The following PDE1A variants were observed in gnomAD, a reference collection of about 807,000 sequenced individuals.
PDE1A encodes phosphodiesterase 1A, also known as dual specificity calcium/calmodulin-dependent 3',5'-cyclic nucleotide phosphodiesterase 1A.
PDE1A carries 35 observed loss-of-function variants against 61.7 expected under a neutral mutation model. The ratio of observed to expected loss-of-function variants is 0.57; its 90% CI spans 0.43 to 0.75. PDE1A has a LOEUF of 0.75. Ranked by LOEUF, PDE1A falls within the 30% of genes least tolerant of loss-of-function variation. The pLI, the probability that PDE1A is intolerant of heterozygous loss-of-function variation, is 0.00. For synonymous variants in PDE1A, 232 were observed against 213.2 expected, an observed-to-expected ratio of 1.09 and a Z score of -0.77; for missense variants, 597 against 630.6, an observed-to-expected ratio of 0.95 and a Z score of 0.57.
chr2:182,426,657 T>C, exon 1 of PDE1A: 5 of 1,612,398 alleles, frequency 3.1e-6, no homozygotes, highest in Non-Finnish European at 4.2e-6. Flanking sequence ...AACTTCTTCC[T>C]GGAAACCACT....
the PDE1A span, among the ~76,000 whole-genome samples, chr2:182,543,921 G>A: frequency 6.6e-6 from 1 of 152,080 alleles, no homozygotes. Context: ...TGATACACAT[G>A]GGTCCTGCCA....
chr2:182,335,604 T>C (rs1293799927), intron 1 of PDE1A, among the ~76,000 whole-genome samples: 1 of 152,180 alleles, frequency 6.6e-6, no homozygotes. Flanking sequence ...TTACACCTTA[T>C]ACAAAAGTTA....
chr2:182,230,814 G>A (rs1428417349), intron 5 of PDE1A, among the ~76,000 whole-genome samples: 1 of 152,124 alleles, frequency 6.6e-6, no homozygotes, highest in African/African-American at 2.4e-5. Context: ...GTGGCCTCAT[G>A]ATCTCTAGGT....
At chr2:182,299,958 G>T (rs555245699) in intron 1 of PDE1A, among the ~76,000 whole-genome samples, 1 of 152,290 alleles carries the variant, frequency 6.6e-6, no homozygotes, top group African/African-American at 2.4e-5. Flanking sequence ...CAACCACACT[G>T]TGACATATCT....
At chr2:182,446,939 AAT>A (rs142029307) in intron 2 of PDE1A, among the ~76,000 whole-genome samples, 26,831 of 148,954 alleles carry the variant, frequency 0.18, 2,738 homozygotes, top group Middle Eastern at 0.36. Flanking sequence ...TAAGTGAGAT[AAT>A]ATATATATAT....
At chr2:182,152,708 A>C (rs1287570982) in intron 13 of PDE1A, among the ~76,000 whole-genome samples, 1 of 152,172 alleles carries the variant, frequency 6.6e-6, no homozygotes, top group African/African-American at 2.4e-5. Context: ...GGTGTGAGCC[A>C]CTGTGCCCAG....
chr2:182,408,816 C>T (rs997497789), intron 1 of PDE1A, among the ~76,000 whole-genome samples: 2 of 152,220 alleles, frequency 1.3e-5, no homozygotes, highest in Non-Finnish European at 2.9e-5. Context: ...CCTTTGCTCA[C>T]TCTCACAGAA....
chr2:182,529,221 G>A, the PDE1A span, among the ~76,000 whole-genome samples: 116 of 152,346 alleles, frequency 7.6e-4, no homozygotes, highest in Middle Eastern at 6.8e-3. Flanking sequence ...GGGCAGAGCT[G>A]CCAAAGACCA....
At chr2:182,712,708 C>T in the PDE1A span, among the ~76,000 whole-genome samples, 298 of 152,200 alleles carry the variant, frequency 2.0e-3, no homozygotes, top group African/African-American at 6.8e-3. Context: ...AGGAGCCCAC[C>T]ACCACGCCTG....
chr2:182,427,286 ATCATTTT>A (rs1429626001), upstream of PDE1A, among the ~76,000 whole-genome samples: 2 of 152,168 alleles, frequency 1.3e-5, no homozygotes, highest in African/African-American at 4.8e-5. Context: ...GAGACGACTC[ATCATTTT>A]TAGCACTTAT....
At chr2:182,194,129 G>C (rs1418493928) in intron 10 of PDE1A, among the ~76,000 whole-genome samples, 2 of 151,980 alleles carry the variant, frequency 1.3e-5, no homozygotes, top group Non-Finnish European at 2.9e-5. Context: ...AGGTAATAAT[G>C]ATTAATAAAT....
the PDE1A span, among the ~76,000 whole-genome samples, chr2:182,638,682 GCA>G: frequency 6.6e-6 from 1 of 152,124 alleles, no homozygotes; most frequent in African/African-American, 2.4e-5. Context: ...AAAAATTTTA[GCA>G]AAAGCAACTA....
chr2:182,710,703 G>T, the PDE1A span, among the ~76,000 whole-genome samples: 5 of 152,018 alleles, frequency 3.3e-5, no homozygotes, highest in Admixed American at 2.6e-4. Context: ...CTTTTTTATG[G>T]CTGAATAATA....
rs1438067 is a variant in PDE1A, at chr2:182,293,343, C to T, written c.54-28929G>A. Among the ~76,000 whole-genome samples, 845 of 152,110 alleles carry T rather than the reference C, an allele frequency of 5.6e-3. 7 individuals are homozygous for T. Among genetic ancestry groups the T allele is most frequent in the African/African-American group, 0.02 (810 of 41,520 alleles). The stretch of plus-strand genomic sequence containing the variant: ...GAAAATAAATTAGGAAAAACAGTAG[C>T]GCTTTGATTTTAAAAAAAATCTTCA... On this transcript the variant is annotated intron_variant, in intron 1 of 13. Transcript: ENST00000351439.
At chr2:182,679,376 T>C in the PDE1A span, among the ~76,000 whole-genome samples, 3 of 146,662 alleles carry the variant, frequency 2.0e-5, no homozygotes, top group Non-Finnish European at 3.0e-5. Flanking sequence ...TTTTTTTGTA[T>C]TTTTAGTAGA....
intron 2 of PDE1A, among the ~76,000 whole-genome samples, chr2:182,442,199 C>G (rs1684841287): frequency 6.6e-6 from 1 of 152,016 alleles, no homozygotes; most frequent in Non-Finnish European, 1.5e-5. Context: ...CAAATCTACT[C>G]ATTTTTGTAG....
chr2:182,701,314 T>C, the PDE1A span, among the ~76,000 whole-genome samples: 38 of 151,068 alleles, frequency 2.5e-4, no homozygotes, highest in East Asian at 1.0e-3. Context: ...GGATTACAGG[T>C]GTGAGCCACC....
intron 2 of PDE1A, among the ~76,000 whole-genome samples, chr2:182,483,217 A>G (rs1687812150): frequency 6.6e-6 from 1 of 151,926 alleles, no homozygotes; most frequent in African/African-American, 2.4e-5. Flanking sequence ...AAAATAGGCA[A>G]TTAAACAATT....
intron 13 of PDE1A, among the ~76,000 whole-genome samples, chr2:182,170,338 C>T (rs1692082354): frequency 1.3e-5 from 2 of 152,066 alleles, no homozygotes; most frequent in Middle Eastern, 3.4e-3. Flanking sequence ...AAAAATTTCA[C>T]TCCCAAATTC....
Sources: allele counts gnomAD v4.1 joint callset (sites outside exome capture counted in the v4.1 genomes callset), GRCh38; gene constraint gnomAD v4.1.1; transcripts MANE v1.5; gene names NCBI Gene and HGNC (gene_info 2026-07-23, HGNC 2026-07-21).